The following CFAP91 variants were observed in gnomAD, a reference collection of about 807,000 sequenced individuals.
CFAP91 encodes cilia- and flagella-associated protein 91.
CFAP91 carries 85 observed loss-of-function variants against 95.9 expected under a neutral mutation model. The ratio of observed to expected loss-of-function variants is 0.89; its 90% CI spans 0.74 to 1.06. The LOEUF (loss-of-function observed/expected upper bound fraction) is 1.06. Among genes scored for constraint, CFAP91 ranks in the 50% least tolerant of loss-of-function variants. The pLI is 0.00. For synonymous variants in CFAP91, 335 were observed against 327.5 expected (o/e 1.02, Z -0.25); for missense variants, 962 against 943.4 (o/e 1.02, Z -0.26).
intron 13 of CFAP91, among the ~76,000 whole-genome samples, chr3:119,741,420 A>G (rs997713479): frequency 4.6e-5 from 7 of 152,212 alleles, no homozygotes; most frequent in Non-Finnish European, 1.0e-4. Flanking sequence ...TAGAGCTGTC[A>G]TAGCTCATGC....
chr3:119,722,184 A>AAG (rs1473661628), intron 6 of CFAP91, among the ~76,000 whole-genome samples: 2 of 151,730 alleles, frequency 1.3e-5, no homozygotes, highest in Non-Finnish European at 2.9e-5. Flanking sequence ...CTCTAAAAAA[A>AAG]AAAAAAAAAA....
At chr3:119,736,268 GTTT>G (rs770777389) in intron 10 of CFAP91, among the ~76,000 whole-genome samples, 1 of 85,326 alleles carries the variant, frequency 1.2e-5, no homozygotes. Context: ...TCTTTCTATT[GTTT>G]TTTTTTTTTT....
intron 4 of CFAP91, among the ~76,000 whole-genome samples, chr3:119,709,412 A>G (rs1374116639): frequency 6.6e-6 from 1 of 152,176 alleles, no homozygotes; most frequent in East Asian, 1.9e-4. Context: ...TAACTGTACA[A>G]TTCTTAACTT....
intron 13 of CFAP91, among the ~76,000 whole-genome samples, chr3:119,742,780 T>C (rs2054145106): frequency 6.6e-6 from 1 of 152,100 alleles, no homozygotes; most frequent in Non-Finnish European, 1.5e-5. Context: ...ATGGGTGGTG[T>C]TGGGGCCAAC....
At chr3:119,719,206 CTG>C (rs2053635187) in intron 6 of CFAP91, among the ~76,000 whole-genome samples, 1 of 152,186 alleles carries the variant, frequency 6.6e-6, no homozygotes, top group African/African-American at 2.4e-5. Flanking sequence ...AGTGCCTACA[CTG>C]TGATTTCATT....
chr3:119,754,299 T>C (rs1281608999), intron 17 of CFAP91, among the ~76,000 whole-genome samples: 1 of 152,234 alleles, frequency 6.6e-6, no homozygotes, highest in Non-Finnish European at 1.5e-5. Context: ...TGAGGATATT[T>C]CTAAGCAAAG....
At chr3:119,761,746 T>C (rs2054541840) in intron 17 of CFAP91, among the ~76,000 whole-genome samples, 1 of 151,850 alleles carries the variant, frequency 6.6e-6, no homozygotes. Context: ...TCACATGATC[T>C]TATCAATAGA....
intron 6 of CFAP91, among the ~76,000 whole-genome samples, chr3:119,719,878 G>A (rs1039022878): frequency 5.3e-5 from 8 of 152,086 alleles, no homozygotes; most frequent in Admixed American, 2.0e-4. Context: ...TGAGGCAGGC[G>A]GATCACTTGA....
At chr3:119,742,017 A>G (rs2054130434) in intron 13 of CFAP91, among the ~76,000 whole-genome samples, 1 of 152,220 alleles carries the variant, frequency 6.6e-6, no homozygotes, top group South Asian at 2.1e-4. Context: ...GATAAGGAGC[A>G]GAATGCCCTG....
chr3:119,740,606 G>T lies in CFAP91; in HGVS notation c.1591G>T (p.Ala531Ser). The part of the protein sequence containing the change: ...ELIQELRTCH[A>S]LQEDEKLVKK... ...GATCCAGGAGTTGCGCACCTGCCAC[G>T]CACTACAAGAAGATGAAAAGCTGGT... Residue 531 changes from alanine to serine, a missense_variant, in exon 13 of 18, where the codon GCA becomes TCA. Ala to Ser is a moderately conservative substitution (Grantham distance 99, BLOSUM62 1). Coordinates refer to ENST00000273390, the MANE Select transcript of CFAP91 (RefSeq NM_033364.4). 1 of 1,614,140 alleles carries T rather than the reference G, an allele frequency of 6.2e-7. No homozygotes were observed. The highest frequency in any genetic ancestry group is 8.5e-7 in the Non-Finnish European group (1 of 1,180,004).
At chr3:119,757,804 G>A (rs1029874784) in intron 17 of CFAP91, among the ~76,000 whole-genome samples, 1 of 152,084 alleles carries the variant, frequency 6.6e-6, no homozygotes, top group Non-Finnish European at 1.5e-5. Context: ...AGAAACCAGA[G>A]GAGCTGTGTG....
rs1248016932 is a variant in CFAP91 at position 119,715,327 on chromosome 3, T to G, written c.501-235T>G. The stretch of plus-strand genomic sequence containing the variant: ...ACATATAAATAGGCACTTCTGTGGG[T>G]CAACCATGGTACTTTGACCCACTTA... On this transcript the variant is annotated intron_variant, in intron 5 of 17. Transcript: ENST00000273390. 3 of 639,130 alleles carry G rather than the reference T, an allele frequency of 4.7e-6. No homozygotes were observed. The Admixed American group carries it at 7.2e-5, about 15-fold the overall frequency. The allele number at this position is 639,130 out of a possible 1,614,324, so 39.6% of individuals were successfully genotyped here.
At chr3:119,711,190 C>T (rs2053466109) in intron 5 of CFAP91, among the ~76,000 whole-genome samples, 2 of 152,132 alleles carry the variant, frequency 1.3e-5, no homozygotes, top group South Asian at 4.1e-4. Flanking sequence ...TCTACTTCAC[C>T]CTTGACATTT....
chr3:119,732,280 A>G lies in CFAP91; in HGVS notation c.1019-14A>G, dbSNP rs2053913697. 1.9e-6 allele frequency: 3 copies of G among 1,581,032 alleles called. No homozygotes were observed. The highest frequency in any genetic ancestry group is 3.5e-5 in the Admixed American group (2 of 56,960). Reference sequence around the variant, plus strand: ...ATATTTTAGAGATAGTCATGGAGGTATGTTTTATTTCAGCAATCAGAAAAC... The same window carrying G: ...ATATTTTAGAGATAGTCATGGAGGTGTGTTTTATTTCAGCAATCAGAAAAC... On this transcript the variant is annotated splice_polypyrimidine_tract_variant and intron_variant, in intron 8 of 17. Transcript: ENST00000273390.
chr3:119,739,410 G>A (rs1207371769), intron 12 of CFAP91, 84 bp downstream of exon 12: 1 of 1,270,648 alleles, frequency 7.9e-7, no homozygotes, highest in Non-Finnish European at 1.1e-6. Flanking sequence ...TCCTTGGAGT[G>A]AATCCCTTTT....
chr3:119,741,508 G>T (rs930688308), intron 13 of CFAP91, among the ~76,000 whole-genome samples: 1 of 152,092 alleles, frequency 6.6e-6, no homozygotes, highest in Non-Finnish European at 1.5e-5. Flanking sequence ...GCTGTGTGCC[G>T]CCTGACACAG....
intron 17 of CFAP91, among the ~76,000 whole-genome samples, chr3:119,761,450 C>A (rs1313996397): frequency 1.3e-5 from 2 of 151,394 alleles, no homozygotes; most frequent in Admixed American, 1.3e-4. Context: ...TTCAGTCTTC[C>A]AAAAAAATTG....
chr3:119,721,163 A>G (rs968133504), intron 6 of CFAP91, among the ~76,000 whole-genome samples: 13 of 152,230 alleles, frequency 8.5e-5, no homozygotes, highest in Non-Finnish European at 1.8e-4. Context: ...AGATGGAGTT[A>G]ATCAGAGAAG....
chr3:119,732,278 G>T lies in CFAP91; in HGVS notation c.1019-16G>T. ...CAATATTTTAGAGATAGTCATGGAG[G>T]TATGTTTTATTTCAGCAATCAGAAA... On this transcript the variant is annotated splice_polypyrimidine_tract_variant and intron_variant, in intron 8 of 17. Coordinates refer to ENST00000273390, the MANE Select transcript of CFAP91 (RefSeq NM_033364.4). The T allele has an allele frequency of 6.3e-6, 10 of 1,579,314 alleles. No individual in the cohort carries two copies. The highest frequency in any genetic ancestry group is 8.6e-6 in the Non-Finnish European group (10 of 1,156,138).
Sources: allele counts gnomAD v4.1 joint callset (sites outside exome capture counted in the v4.1 genomes callset), GRCh38; gene constraint gnomAD v4.1.1; transcripts MANE v1.5; gene names NCBI Gene and HGNC (gene_info 2026-07-23, HGNC 2026-07-21).